Variants in WNT2 observed in about 807,000 individuals in gnomAD.
WNT2 encodes the protein protein Wnt-2.
In WNT2, 12 loss-of-function variants were observed where a neutral mutation model predicts 36.9. The ratio of observed to expected loss-of-function variants is 0.33; its 90% CI spans 0.21 to 0.53. WNT2 has a LOEUF of 0.53. Ranked by LOEUF, WNT2 falls within the 20% of genes least tolerant of loss-of-function variation. The pLI is 0.95. For missense variants in WNT2, 379 were observed against 473.1 expected (o/e 0.80, Z 1.84); for synonymous variants, 163 against 174.6 (o/e 0.93, Z 0.52).
rs199747282 is a variant in WNT2 at position 117,275,648 on chromosome 7, CA to C, written c.*2506del. Reference sequence around the variant, plus strand: ...GATAATTGAGAGTTTCAGTGTATTTCAGGTTCCTGGAATACTGATCCTCTAC... The same window carrying C: ...GATAATTGAGAGTTTCAGTGTATTTCGGTTCCTGGAATACTGATCCTCTAC... On this transcript the variant is annotated 3_prime_UTR_variant, in exon 5 of 5. Coordinates refer to ENST00000265441, the MANE Select transcript of WNT2 (RefSeq NM_003391.3). 8.1e-3 allele frequency among the ~76,000 whole-genome samples: 1,239 copies of C among 152,290 alleles called. 8 individuals are homozygous for C. The highest frequency in any genetic ancestry group is 0.011 in the Non-Finnish European group (740 of 68,026).
intron 2 of WNT2, among the ~76,000 whole-genome samples, chr7:117,316,241 T>G (rs1197433026): frequency 6.6e-6 from 1 of 152,210 alleles, no homozygotes; most frequent in African/African-American, 2.4e-5. Flanking sequence ...AAGGTACATA[T>G]TTCAGTGCAA....
intron 4 of WNT2, among the ~76,000 whole-genome samples, chr7:117,288,391 G>A (rs2116336544): frequency 6.6e-6 from 1 of 152,210 alleles, no homozygotes; most frequent in South Asian, 2.1e-4. Flanking sequence ...GCAATCTGTA[G>A]CACCAAAGTC....
intron 4 of WNT2, among the ~76,000 whole-genome samples, chr7:117,282,570 G>A (rs1273245955): frequency 6.6e-6 from 1 of 152,222 alleles, no homozygotes; most frequent in Non-Finnish European, 1.5e-5. Flanking sequence ...TCTGCAACGT[G>A]TGAGGAGCAG....
intron 2 of WNT2, among the ~76,000 whole-genome samples, chr7:117,319,557 T>C (rs1416706331): frequency 6.6e-6 from 1 of 151,746 alleles, no homozygotes; most frequent in Admixed American, 6.6e-5. Flanking sequence ...GTAAAAAGTT[T>C]CCTATTTTGG....
rs751070675 is a variant in WNT2, at chr7:117,320,619, A to G, written c.258T>C (p.Asn86=). Residue 86 remains asparagine, a synonymous_variant, in exon 2 of 5, where the codon AAT becomes AAC. Transcript: ENST00000265441. ...TGTGATCCCTGTCCAGGGTGTTGCA[A>G]TTCCAGCGGTGCTGGCGGAACTGGT... is the stretch of plus-strand genomic sequence containing the variant. ...CQHQFRQHRW[N]CNTLDRDHSL... is the part of the protein sequence containing the mutation. 6.2e-7 allele frequency: 1 copy of G among 1,613,928 alleles called. No individual in the cohort carries two copies. Among genetic ancestry groups the G allele is most frequent in the African/African-American group, 1.3e-5 (1 of 74,950 alleles).
chr7:117,319,438 C>A (rs1006706687), intron 2 of WNT2, among the ~76,000 whole-genome samples: 5 of 151,256 alleles, frequency 3.3e-5, no homozygotes, highest in Non-Finnish European at 4.4e-5. Flanking sequence ...CCTCATAAAA[C>A]CCTAGGGCTG....
intron 4 of WNT2, among the ~76,000 whole-genome samples, chr7:117,297,328 A>G (rs535332718): frequency 1.3e-5 from 2 of 152,082 alleles, no homozygotes; most frequent in African/African-American, 4.8e-5. Flanking sequence ...ACAGATGCGC[A>G]CCACCATGCC....
chr7:117,315,139 C>T lies in WNT2; in HGVS notation c.520G>A (p.Ala174Thr), dbSNP rs1167429742. The change falls in exon 3 of 5, where the codon GCA becomes ACA. Residue 174 changes from alanine to threonine, a missense_variant. Physicochemically the swap from Ala to Thr is moderately conservative, Grantham distance 58. Transcript: ENST00000265441. ...GCATCCTTTCCTTTCCTTTCCTTTG[C>T]ATCCACAAATGCGCGGGCAAATTTG... ...GIKFARAFVD[A>T]KERKGKDARA... 1.9e-6 allele frequency: 3 copies of T among 1,614,180 alleles called. No individual in the cohort carries two copies. The highest frequency in any genetic ancestry group is 4.5e-5 in the East Asian group (2 of 44,880).
intron 4 of WNT2, among the ~76,000 whole-genome samples, chr7:117,295,533 T>A (rs186488064): frequency 6.6e-6 from 1 of 152,244 alleles, no homozygotes; most frequent in African/African-American, 2.4e-5. Context: ...ATAAATGTCA[T>A]ACCTGTTATA....
intron 2 of WNT2, among the ~76,000 whole-genome samples, chr7:117,319,277 A>G (rs1374984524): frequency 6.6e-6 from 1 of 152,236 alleles, no homozygotes; most frequent in African/African-American, 2.4e-5. Flanking sequence ...GCGATGTCAT[A>G]TTGAAACTCC....
At chr7:117,301,878 G>A (rs534945573) in intron 3 of WNT2, among the ~76,000 whole-genome samples, 45 of 148,882 alleles carry the variant, frequency 3.0e-4, no homozygotes, top group South Asian at 2.4e-3. Context: ...TGTGATCTCG[G>A]CTCACTGCCA....
rs180771349 is a variant in WNT2 at position 117,314,646 on chromosome 7, C to T, written c.588+425G>A. The stretch of plus-strand genomic sequence containing the variant: ...ATCTAGAAGAAGCCAACAAACCATG[C>T]TTGATGAGTTGTTTTCATGATACAT... On this transcript the variant is annotated intron_variant, in intron 3 of 4. Coordinates refer to ENST00000265441, the MANE Select transcript of WNT2 (RefSeq NM_003391.3). Among the ~76,000 whole-genome samples the T allele has an allele frequency of 1.6e-3, 237 of 152,278 alleles. 1 individual carries two copies. Among genetic ancestry groups the T allele is most frequent in the South Asian group, 0.013 (62 of 4,824 alleles).
chr7:117,283,218 G>A (rs1794520052), intron 4 of WNT2, among the ~76,000 whole-genome samples: 1 of 152,182 alleles, frequency 6.6e-6, no homozygotes, highest in African/African-American at 2.4e-5. Flanking sequence ...GTGCAGTGGT[G>A]GTAACTGAAG....
intron 3 of WNT2, among the ~76,000 whole-genome samples, chr7:117,308,166 A>G (rs1252498408): frequency 6.6e-6 from 1 of 152,214 alleles, no homozygotes; most frequent in Non-Finnish European, 1.5e-5. Context: ...TTAAACATAC[A>G]CACTCTGGAA....
intron 3 of WNT2, among the ~76,000 whole-genome samples, chr7:117,306,789 T>A (rs927404359): frequency 1.7e-4 from 26 of 152,238 alleles, no homozygotes; most frequent in Admixed American, 1.5e-3. Context: ...TACTTGTTCA[T>A]GTGACATAGC....
chr7:117,309,318 G>A (rs1795077985), intron 3 of WNT2, among the ~76,000 whole-genome samples: 1 of 152,106 alleles, frequency 6.6e-6, no homozygotes, highest in Admixed American at 6.5e-5. Flanking sequence ...GAAGTATCTT[G>A]TCTGTCCCAG....
At chr7:117,302,246 A>G (rs1244053054) in intron 3 of WNT2, among the ~76,000 whole-genome samples, 1 of 152,192 alleles carries the variant, frequency 6.6e-6, no homozygotes, top group Non-Finnish European at 1.5e-5. Context: ...TAGACAATTC[A>G]CAGAAGAAAT....
At chr7:117,291,462 A>G (rs757538916) in intron 4 of WNT2, among the ~76,000 whole-genome samples, 4 of 152,162 alleles carry the variant, frequency 2.6e-5, no homozygotes, top group Non-Finnish European at 4.4e-5. Context: ...AGATGAACCT[A>G]TCTGTACCTT....
chr7:117,300,344 G>A (rs780054916), intron 3 of WNT2, among the ~76,000 whole-genome samples: 6 of 152,046 alleles, frequency 3.9e-5, no homozygotes, highest in Non-Finnish European at 8.8e-5. Flanking sequence ...GGGTCACCAC[G>A]CCTGGCTAAG....
Sources: allele counts gnomAD v4.1 joint callset (sites outside exome capture counted in the v4.1 genomes callset), GRCh38; gene constraint gnomAD v4.1.1; transcripts MANE v1.5; gene names NCBI Gene and HGNC (gene_info 2026-07-23, HGNC 2026-07-21).